The following FRAS1 variants were observed in gnomAD, a reference collection of about 807,000 sequenced individuals.
FRAS1 encodes the protein extracellular matrix organizing protein FRAS1.
A neutral mutation model predicts 435.2 loss-of-function variants in FRAS1; 290 were observed. That is an observed-to-expected ratio of 0.67 (90% confidence interval 0.61 to 0.73). The LOEUF (loss-of-function observed/expected upper bound fraction) is 0.73. FRAS1 is among the 30% of genes least tolerant of loss of function. The pLI, the probability that FRAS1 is intolerant of heterozygous loss-of-function variation, is 0.00. For synonymous variants in FRAS1, 1,800 were observed against 1,851.0 expected (o/e 0.97, Z 0.71); for missense variants, 4,860 against 5,001.5 (o/e 0.97, Z 0.85).
At chr4:78,481,278 T>C (rs979219613) in intron 56 of FRAS1, among the ~76,000 whole-genome samples, 4 of 152,168 alleles carry the variant, frequency 2.6e-5, no homozygotes, top group Non-Finnish European at 5.9e-5. Flanking sequence ...GCACATGCGG[T>C]TTAAGTCATG....
chr4:78,127,937 G>A (rs1333519353), intron 2 of FRAS1, among the ~76,000 whole-genome samples: 15 of 133,372 alleles, frequency 1.1e-4, no homozygotes, highest in Non-Finnish European at 2.3e-4. Context: ...GGTGTGTGAT[G>A]TTCCCTTTCC....
intron 15 of FRAS1, among the ~76,000 whole-genome samples, chr4:78,312,663 C>G (rs1729073450): frequency 6.6e-6 from 1 of 150,944 alleles, no homozygotes; most frequent in Non-Finnish European, 1.5e-5. Flanking sequence ...CTCATCTCTA[C>G]TAAAAATAAA....
intron 26 of FRAS1, among the ~76,000 whole-genome samples, chr4:78,378,756 A>T (rs369952857): frequency 6.6e-6 from 1 of 152,066 alleles, no homozygotes; most frequent in African/African-American, 2.4e-5. Context: ...GGAGTTCTTT[A>T]TATATTCTTG....
chr4:78,323,767 A>G (rs551687419), intron 18 of FRAS1, among the ~76,000 whole-genome samples: 1 of 152,320 alleles, frequency 6.6e-6, no homozygotes, highest in Non-Finnish European at 1.5e-5. Context: ...GGCCTTTGCT[A>G]CTGATGTTCC....
rs13123710 is a variant in FRAS1, at chr4:78,464,478, C to T, written c.6924C>T (p.Val2308=). 118,706 of 1,613,782 alleles carry T rather than the reference C, an allele frequency of 0.074. 5,030 individuals are homozygous for T. Among genetic ancestry groups the T allele is most frequent in the Non-Finnish European group, 0.086 (101,561 of 1,179,730 alleles). Residue 2308 remains valine (V), a synonymous_variant, in exon 49 of 74, where the codon GTC becomes GTT. Transcript: ENST00000512123. ...TQTFHITLHP[V]DDSLPVVQNL... is the part of the protein sequence containing the mutation. ...CTTTCCATATCACTCTTCACCCTGTCGATGATTCGCTGCCCGTCGTACAGA... is the reference window on the plus strand; with the variant it reads ...CTTTCCATATCACTCTTCACCCTGTTGATGATTCGCTGCCCGTCGTACAGA...
chr4:78,327,992 A>G (rs1236574754), intron 18 of FRAS1, among the ~76,000 whole-genome samples: 2 of 152,190 alleles, frequency 1.3e-5, no homozygotes, highest in Non-Finnish European at 2.9e-5. Flanking sequence ...ACCCACAGCA[A>G]CTAACTAGTT....
intron 49 of FRAS1, among the ~76,000 whole-genome samples, chr4:78,465,503 A>C (rs1405460356): frequency 6.6e-6 from 1 of 152,250 alleles, no homozygotes; most frequent in Admixed American, 6.5e-5. Context: ...AGGGCAAGCT[A>C]TGCAGTTATC....
intron 30 of FRAS1, among the ~76,000 whole-genome samples, chr4:78,406,733 AG>A (rs140245543): frequency 2.0e-5 from 3 of 152,316 alleles, no homozygotes; most frequent in Non-Finnish European, 4.4e-5. Context: ...TGAGGAATGA[AG>A]GCTTATGGAG....
At chr4:78,387,240 C>A in intron 28 of FRAS1, 135 bp from the exon 29 acceptor site, 1 of 644,626 alleles carries the variant, frequency 1.6e-6, no homozygotes, top group Non-Finnish European at 2.7e-6. Flanking sequence ...AATGTGTTCA[C>A]CATAGAACAG....
intron 2 of FRAS1, among the ~76,000 whole-genome samples, chr4:78,232,976 A>G (rs758748289): frequency 1.3e-5 from 2 of 152,226 alleles, no homozygotes; most frequent in Admixed American, 6.5e-5. Context: ...GAATTAACAT[A>G]AAGAAAAACT....
chr4:78,080,007 C>T (rs1740824196), intron 2 of FRAS1, among the ~76,000 whole-genome samples: 2 of 152,094 alleles, frequency 1.3e-5, no homozygotes, highest in Non-Finnish European at 2.9e-5. Flanking sequence ...GCCTAATGAA[C>T]GCTGCTGGAG....
chr4:78,221,686 G>A (rs1005042129), intron 2 of FRAS1, among the ~76,000 whole-genome samples: 3 of 152,182 alleles, frequency 2.0e-5, no homozygotes, highest in Non-Finnish European at 4.4e-5. Context: ...AAACCACCTT[G>A]TGTGTGTTGA....
At position 78,542,557 on chromosome 4, in the gene FRAS1, A is replaced by G. The variant is rs1254777999; in HGVS notation, c.*1433A>G. ...AGCCTTCACATTGTGTAATATTTGT[A>G]TGAGAATGACTCAAGCTCTTTGAGA... On this transcript the variant is annotated 3_prime_UTR_variant, in exon 74 of 74. Coordinates refer to ENST00000512123, the MANE Select transcript of FRAS1 (RefSeq NM_025074.7). 2 of 152,660 alleles carry G rather than the reference A, an allele frequency of 1.3e-5. No individual in the cohort carries two copies. Among genetic ancestry groups the G allele is most frequent in the Admixed American group, 6.5e-5 (1 of 15,282 alleles). The allele number at this position is 152,660 out of a possible 1,614,324, so 9.5% of individuals were successfully genotyped here.
At chr4:78,464,264 G>A in intron 48 of FRAS1, 119 bp downstream of exon 48, 1 of 1,411,022 alleles carries the variant, frequency 7.1e-7, no homozygotes, top group Non-Finnish European at 9.5e-7. Context: ...TCTCAGTCAA[G>A]GGGTAGGGGC....
At chr4:78,417,134 A>G (rs1328265231) in intron 32 of FRAS1, among the ~76,000 whole-genome samples, 1 of 152,138 alleles carries the variant, frequency 6.6e-6, no homozygotes, top group Non-Finnish European at 1.5e-5. Flanking sequence ...CAAACTCAAT[A>G]TTGCTTTCCT....
At chr4:78,159,088 T>A (rs2110021462) in intron 2 of FRAS1, among the ~76,000 whole-genome samples, 1 of 152,300 alleles carries the variant, frequency 6.6e-6, no homozygotes, top group African/African-American at 2.4e-5. Flanking sequence ...TTGATGCTTG[T>A]GTGATTGGGC....
At chr4:78,376,057 C>G (rs749491087) in intron 26 of FRAS1, among the ~76,000 whole-genome samples, 178 bp downstream of exon 26, 2 of 152,128 alleles carry the variant, frequency 1.3e-5, no homozygotes, top group Non-Finnish European at 2.9e-5. Flanking sequence ...ATTGGGAAAT[C>G]GCAACTTCTG....
Position 78,266,931 on chromosome 4 carries a change from G to C in FRAS1, c.785G>C (p.Gly262Ala). The change falls in exon 8 of 74, where the codon GGA (glycine) becomes GCA (alanine). Residue 262 changes from glycine to alanine, a missense_variant. Coordinates refer to ENST00000512123, the MANE Select transcript of FRAS1 (RefSeq NM_025074.7). ...HKQACLPLRC[G>A]KGQSRARRHG... ...CAGGCCTGCCTGCCCCTGAGATGCG[G>C]AAAGGTATTTGAGAGTGTGTACCTT... is the stretch of plus-strand genomic sequence containing the variant. 2 of 1,599,852 alleles carry C rather than the reference G, an allele frequency of 1.3e-6. No individual in the cohort carries two copies. Among genetic ancestry groups the C allele is most frequent in the Non-Finnish European group, 1.7e-6 (2 of 1,171,878 alleles).
At chr4:78,299,545 A>T (rs530064155) in intron 14 of FRAS1, among the ~76,000 whole-genome samples, 3 of 152,244 alleles carry the variant, frequency 2.0e-5, no homozygotes, top group Non-Finnish European at 2.9e-5. Context: ...CTATTCAGCC[A>T]GTCACTGAAG....
Sources: allele counts gnomAD v4.1 joint callset (sites outside exome capture counted in the v4.1 genomes callset), GRCh38; gene constraint gnomAD v4.1.1; transcripts MANE v1.5; gene names NCBI Gene and HGNC (gene_info 2026-07-23, HGNC 2026-07-21).